Variants in SPON1 observed in about 807,000 individuals in gnomAD.
SPON1 encodes the protein spondin-1.
Under a neutral mutation model 111.7 loss-of-function variants are expected in SPON1, and 52 were observed. That is an observed-to-expected ratio of 0.47 (90% confidence interval 0.37 to 0.59). SPON1 has a LOEUF of 0.59. SPON1 is among the 20% of genes least tolerant of loss of function. The pLI is 0.00. For synonymous variants in SPON1, 410 were observed against 395.8 expected, an observed-to-expected ratio of 1.04 and a Z score of -0.43; for missense variants, 957 against 1,068.5, an observed-to-expected ratio of 0.90 and a Z score of 1.46.
intron 2 of SPON1, among the ~76,000 whole-genome samples, chr11:13,986,070 T>G (rs1848180143): frequency 6.6e-6 from 1 of 152,230 alleles, no homozygotes; most frequent in African/African-American, 2.4e-5. Flanking sequence ...ATTTGTTGAG[T>G]GCCTGCTGGG....
At chr11:14,066,369 C>T (rs1298447666) in intron 3 of SPON1, among the ~76,000 whole-genome samples, 3 of 151,878 alleles carry the variant, frequency 2.0e-5, no homozygotes, top group African/African-American at 7.3e-5. Context: ...GGAAGAAAAC[C>T]ATTAAGGGTC....
chr11:14,199,632 A>T (rs1554935406), intron 6 of SPON1, among the ~76,000 whole-genome samples: 1 of 152,144 alleles, frequency 6.6e-6, no homozygotes, highest in African/African-American at 2.4e-5. Context: ...CAAAGCTAAC[A>T]ATGGCACCCT....
chr11:14,233,308 C>T (rs1848823790), intron 6 of SPON1, among the ~76,000 whole-genome samples: 2 of 152,206 alleles, frequency 1.3e-5, no homozygotes, highest in Admixed American at 6.5e-5. Context: ...TTCCATTGCT[C>T]TTCCCTGGCC....
rs1004652181 is a variant in SPON1, at chr11:14,263,625, G to A, written c.2260+650G>A. Among the ~76,000 whole-genome samples, 2 of 152,194 alleles carry A rather than the reference G, an allele frequency of 1.3e-5. 1 individual carries two copies. Among genetic ancestry groups the A allele is most frequent in the Non-Finnish European group, 2.9e-5 (2 of 68,044 alleles). On this transcript the variant is annotated intron_variant, in intron 15 of 15. Coordinates refer to ENST00000576479, the MANE Select transcript of SPON1 (RefSeq NM_006108.4). ...AATAGAACAATGCACCAAGTGCTCA[G>A]GGAGCTGAGGAATGAGCATCATCTT...
At chr11:14,031,860 G>A (rs79699149) in intron 2 of SPON1, among the ~76,000 whole-genome samples, 1,701 of 152,302 alleles carry the variant, frequency 0.011, 25 homozygotes, top group African/African-American at 0.039. Flanking sequence ...GTGATTCAAT[G>A]ACTGGGATTA....
rs1201434666 is a variant in SPON1, at chr11:14,162,419, TAAATC to T, written c.825+26853_825+26857del. Among the ~76,000 whole-genome samples the T allele has an allele frequency of 3.3e-5, 5 of 152,308 alleles. No homozygotes were observed. In the East Asian group the frequency reaches 7.7e-4, roughly 24 times the overall value. On this transcript the variant is annotated intron_variant, in intron 6 of 15. Transcript: ENST00000576479. ...CATGGATATGTCAAATAGTTTAACTTAAATCAGATAAGTGTACCTTCAATCAGAAA... is the reference window on the plus strand; with the variant it reads ...CATGGATATGTCAAATAGTTTAACTTAGATAAGTGTACCTTCAATCAGAAA...
chr11:14,224,446 A>AG (rs1360573010), intron 6 of SPON1, among the ~76,000 whole-genome samples: 1 of 152,234 alleles, frequency 6.6e-6, no homozygotes, highest in Non-Finnish European at 1.5e-5. Context: ...CTTAAAAAAA[A>AG]CAAAAGCTAT....
intron 5 of SPON1, among the ~76,000 whole-genome samples, chr11:14,102,475 G>A (rs12577594): frequency 0.06 from 9,103 of 152,110 alleles, 388 homozygotes; most frequent in South Asian, 0.16. Flanking sequence ...TTAACAGCAC[G>A]TCTCAATTCA....
intron 11 of SPON1, 90 bp downstream of exon 11, chr11:14,257,988 C>T (rs1849129459): frequency 7.9e-7 from 1 of 1,258,960 alleles, no homozygotes; most frequent in Middle Eastern, 2.6e-4. Context: ...CTGGTGAGGG[C>T]ACAAGGACCC....
chr11:14,153,859 C>T (rs10832205), intron 6 of SPON1, among the ~76,000 whole-genome samples: 56,841 of 152,110 alleles, frequency 0.37, 11,103 homozygotes, highest in East Asian at 0.55. Context: ...GTAAATGCTT[C>T]TGTTCCAAAA....
chr11:14,079,672 A>G (rs1554921840), intron 4 of SPON1, among the ~76,000 whole-genome samples: 1 of 142,548 alleles, frequency 7.0e-6, no homozygotes, highest in Admixed American at 7.3e-5. Context: ...GATCTTCTCA[A>G]TTTATTAGGG....
rs567114330 is a variant in SPON1, at chr11:14,141,855, G to A, written c.825+6287G>A. Reference sequence around the variant, plus strand: ...AAGTGTTCTCTATGATTCATGACATGCTGCCTCATCCGGTTTGGAAAAACC... The same window carrying A: ...AAGTGTTCTCTATGATTCATGACATACTGCCTCATCCGGTTTGGAAAAACC... On this transcript the variant is annotated intron_variant, in intron 6 of 15. Transcript: ENST00000576479. Among the ~76,000 whole-genome samples the A allele has an allele frequency of 4.6e-5, 7 of 152,094 alleles. No individual in the cohort carries two copies. The South Asian group carries it at 1.2e-3, about 27-fold the overall frequency.
At chr11:14,261,448 G>A (rs909395790) in intron 14 of SPON1, among the ~76,000 whole-genome samples, 7 of 152,160 alleles carry the variant, frequency 4.6e-5, no homozygotes, top group Admixed American at 3.3e-4. Flanking sequence ...ACCTTCAGCC[G>A]ATGACTCAGC....
chr11:13,990,061 T>C (rs1346838203), intron 2 of SPON1, among the ~76,000 whole-genome samples: 1 of 152,204 alleles, frequency 6.6e-6, no homozygotes, highest in South Asian at 2.1e-4. Flanking sequence ...GTCTGTTAGG[T>C]CTGCTTGGTT....
rs927436105 is a variant in SPON1, at chr11:14,259,707, T to A, written c.1831+6T>A. ...GTGCATGATGCCAGAGTGCCGTGAG[T>A]GAGAGCGGGGGTGGACTTGGAGGAG... On this transcript the variant is annotated splice_donor_region_variant and intron_variant, in intron 13 of 15. Transcript: ENST00000576479. The surrounding 1 kb of genome is among the most constrained non-coding windows in gnomAD (Gnocchi z 5.0). The A allele has an allele frequency of 2.6e-6, 4 of 1,568,202 alleles. No homozygotes were observed. The highest frequency in any genetic ancestry group is 1.2e-5 in the South Asian group (1 of 84,626).
intron 6 of SPON1, among the ~76,000 whole-genome samples, chr11:14,209,088 G>T (rs1453411776): frequency 6.6e-6 from 1 of 151,970 alleles, no homozygotes; most frequent in Non-Finnish European, 1.5e-5. Flanking sequence ...TGTTGTTGTT[G>T]TTGTTTTCGT....
At chr11:14,139,548 C>T (rs139821072) in intron 6 of SPON1, among the ~76,000 whole-genome samples, 28 of 152,184 alleles carry the variant, frequency 1.8e-4, no homozygotes, top group African/African-American at 6.0e-4. Context: ...TTTGTTCATT[C>T]AATAACTTTA....
At chr11:14,071,639 G>A (rs1177414071) in intron 3 of SPON1, among the ~76,000 whole-genome samples, 2 of 152,132 alleles carry the variant, frequency 1.3e-5, no homozygotes, top group Non-Finnish European at 2.9e-5. Flanking sequence ...ACGAATCTTG[G>A]AATCTAGCAC....
intron 2 of SPON1, among the ~76,000 whole-genome samples, chr11:14,025,417 G>GGT (rs1462616653): frequency 1.3e-5 from 2 of 152,200 alleles, no homozygotes; most frequent in African/African-American, 4.8e-5. Flanking sequence ...AAGTAAGCAA[G>GGT]GTAGAACCAG....
Sources: allele counts gnomAD v4.1 joint callset (sites outside exome capture counted in the v4.1 genomes callset), GRCh38; gene constraint gnomAD v4.1.1; non-coding constraint Gnocchi (gnomAD v3.1); transcripts MANE v1.5; gene names NCBI Gene and HGNC (gene_info 2026-07-23, HGNC 2026-07-21).